Variants in SWI5 observed in about 807,000 individuals in gnomAD.
SWI5 encodes DNA repair protein SWI5 homolog.
SWI5 carries 12 observed loss-of-function variants against 17.0 expected under a neutral mutation model. That is an observed-to-expected ratio of 0.71 (90% CI 0.45 to 1.14). The LOEUF is 1.14. Ranked by LOEUF, SWI5 falls within the 50% of genes most tolerant of loss-of-function variation. The pLI, the probability that SWI5 is intolerant of heterozygous loss-of-function variation, is 0.00. For missense variants in SWI5, 158 were observed against 162.2 expected (o/e 0.97, Z 0.14); for synonymous variants, 61 against 64.0 (o/e 0.95, Z 0.22).
At chr9:128,276,281 A>G (rs1831366397) in exon 1 of SWI5, 4 of 1,612,690 alleles carry the variant, frequency 2.5e-6, no homozygotes, top group Non-Finnish European at 3.4e-6. Flanking sequence ...GCGCCAGTTC[A>G]CACTCCGGGT....
chr9:128,281,246 C>G (rs1039116373), intron 2 of SWI5, among the ~76,000 whole-genome samples: 4 of 152,030 alleles, frequency 2.6e-5, no homozygotes, highest in Admixed American at 2.6e-4. Flanking sequence ...CTATGTTGGC[C>G]AGGCTGGTCT....
At chr9:128,288,727 C>T (rs747192402) in exon 5 of SWI5, 6 of 1,613,924 alleles carry the variant, frequency 3.7e-6, no homozygotes, top group Admixed American at 3.3e-5. Flanking sequence ...GCAGGCTCAT[C>T]GCCCCTTGTC....
rs1221289722 is a variant in SWI5, at chr9:128,285,232, G to GAAGGGAAAGAAGGAAAGGGGGGAAGGA, written c.233+609_233+635dup. ...AGAAAAAGGAAGGAAGGAAAGAAAG[G>GAAGGGAAAGAAGGAAAGGGGGGAAGGA]AAGGGAAAGAAGGAAAGGGGGGAAG... On this transcript the variant is annotated intron_variant, in intron 3 of 4. Coordinates refer to ENST00000418976, the Ensembl canonical transcript of SWI5. This position sits in a 1 kb window ranked among gnomAD's most constrained non-coding sequence, Gnocchi z 4.8. Among the ~76,000 whole-genome samples, 1 of 149,784 alleles carries GAAGGGAAAGAAGGAAAGGGGGGAAGGA rather than the reference G, an allele frequency of 6.7e-6. No individual in the cohort carries two copies. Among genetic ancestry groups the GAAGGGAAAGAAGGAAAGGGGGGAAGGA allele is most frequent in the Non-Finnish European group, 1.5e-5 (1 of 67,452 alleles).
chr9:128,276,157 T>G (rs200988365), upstream of SWI5: 880 of 1,568,744 alleles, frequency 5.6e-4, no homozygotes, highest in Admixed American at 8.5e-4. Context: ...TGCAGCGGCG[T>G]GGCCAGAGGG....
rs75186347 is a variant in SWI5, at chr9:128,278,203, G to A, written c.111+1448G>A. ...CTCGTGAGCTCAAAGCAACCTGCCC[G>A]CCTCGGCCTCCCAAAGTGCTGGGAT... On this transcript the variant is annotated intron_variant, in intron 2 of 4. Coordinates refer to ENST00000418976, the Ensembl canonical transcript of SWI5. Among the ~76,000 whole-genome samples, 540 of 152,050 alleles carry A rather than the reference G, an allele frequency of 3.6e-3. 2 individuals are homozygous for A. Among genetic ancestry groups the A allele is most frequent in the African/African-American group, 0.013 (520 of 41,474 alleles).
At chr9:128,287,065 C>T (rs550496193) in intron 4 of SWI5, among the ~76,000 whole-genome samples, 12 of 146,594 alleles carry the variant, frequency 8.2e-5, no homozygotes, top group East Asian at 4.3e-4. Context: ...CGCTTGAACC[C>T]GGGAGGCAGA....
chr9:128,276,031 G>A, upstream of SWI5: 1 of 1,590,818 alleles, frequency 6.3e-7, no homozygotes. Flanking sequence ...GCAGCTGTGC[G>A]ACGGAGCCAG....
Position 128,285,169 on chromosome 9 carries a change from A to C in SWI5, c.233+538A>C, listed in dbSNP as rs1356851328. On this transcript the variant is annotated intron_variant, in intron 3 of 4. Transcript: ENST00000418976. The surrounding 1 kb of genome is among the most constrained non-coding windows in gnomAD (Gnocchi z 4.8). ...CTACAGAGCGAGACTTGGTAAAGAA[A>C]GAGAAAGAGGGCGAGAGGGAGAGAG... is the stretch of plus-strand genomic sequence containing the variant. 6.6e-6 allele frequency among the ~76,000 whole-genome samples: 1 copy of C among 151,696 alleles called. No homozygotes were observed. The highest frequency in any genetic ancestry group is 2.4e-5 in the African/African-American group (1 of 41,262).
intron 2 of SWI5, among the ~76,000 whole-genome samples, chr9:128,284,009 G>A (rs1298231781): frequency 2.6e-5 from 4 of 151,714 alleles, no homozygotes; most frequent in Non-Finnish European, 5.9e-5. Context: ...AAAATGTTGT[G>A]GGGTGGGGCT....
chr9:128,287,733 T>C (rs1717496653), intron 4 of SWI5, among the ~76,000 whole-genome samples: 1 of 151,762 alleles, frequency 6.6e-6, no homozygotes, highest in Non-Finnish European at 1.5e-5. Flanking sequence ...GGCTAATTTT[T>C]GTATTTTTAG....
intron 2 of SWI5, chr9:128,278,503 G>T: frequency 2.7e-6 from 1 of 377,030 alleles, no homozygotes. Context: ...GGGGGTGGAG[G>T]TTGCAGTGAG....
chr9:128,282,560 C>T (rs542844272), intron 2 of SWI5, among the ~76,000 whole-genome samples: 3 of 152,164 alleles, frequency 2.0e-5, no homozygotes, highest in Non-Finnish European at 4.4e-5. Flanking sequence ...CATCGTTGGG[C>T]GCTTTCTCTT....
intron 2 of SWI5, among the ~76,000 whole-genome samples, chr9:128,279,311 A>G (rs1831494808): frequency 6.6e-6 from 1 of 152,178 alleles, no homozygotes; most frequent in Admixed American, 6.5e-5. Flanking sequence ...ACAAAGAGAT[A>G]AAGAGAAAAC....
At position 128,276,654 on chromosome 9, in the gene SWI5, C is replaced by T. The variant is rs755392754; in HGVS notation, c.63-53C>T. 15 of 1,614,062 alleles carry T rather than the reference C, an allele frequency of 9.3e-6. No homozygotes were observed. The East Asian group carries it at 2.7e-4, about 29-fold the overall frequency. On this transcript the variant is annotated intron_variant, in intron 1 of 4. Transcript: ENST00000418976. ...CTCCCGCATCCCCACAGTACCCCGT[C>T]CTCACAGCGGGCTGTGGGTCCAATC...
At chr9:128,276,639 C>G in intron 1 of SWI5, 68 bp from the exon 2 acceptor site, 1 of 1,613,670 alleles carries the variant, frequency 6.2e-7, no homozygotes, top group Non-Finnish European at 8.5e-7. Context: ...CTCCCGCATC[C>G]CCACAGTACC....
At chr9:128,286,196 G>A in intron 4 of SWI5, 163 bp downstream of exon 4, 2 of 587,000 alleles carry the variant, frequency 3.4e-6, no homozygotes, top group Non-Finnish European at 6.1e-6. Flanking sequence ...CCAGCCTCTG[G>A]TCTCCCTGGC....
intron 2 of SWI5, among the ~76,000 whole-genome samples, chr9:128,277,098 C>T (rs376806721): frequency 1.3e-4 from 20 of 152,164 alleles, no homozygotes; most frequent in East Asian, 7.7e-4. Context: ...TAAACAAACC[C>T]ATAGCTCCCC....
exon 4 of SWI5, chr9:128,286,003 G>A (rs1240253033): frequency 7.4e-6 from 12 of 1,614,008 alleles, no homozygotes; most frequent in Non-Finnish European, 1.0e-5. Context: ...TGACATCAAG[G>A]ATGTGGGGCA....
chr9:128,284,669 C>T (rs1382178902), intron 3 of SWI5, 38 bp downstream of exon 3: 1 of 1,603,400 alleles, frequency 6.2e-7, no homozygotes, highest in Non-Finnish European at 8.5e-7. Context: ...GTTAAGATAA[C>T]TTTGGGCTAG....
Sources: allele counts gnomAD v4.1 joint callset (sites outside exome capture counted in the v4.1 genomes callset), GRCh38; gene constraint gnomAD v4.1.1; non-coding constraint Gnocchi (gnomAD v3.1); transcripts MANE v1.5; gene names NCBI Gene and HGNC (gene_info 2026-07-23, HGNC 2026-07-21).